The following NOL4 variants were observed in gnomAD, a reference collection of about 807,000 sequenced individuals.
NOL4 encodes the protein nucleolar protein 4.
Under a neutral mutation model 75.9 loss-of-function variants are expected in NOL4, and 17 were observed. The observed-to-expected ratio is 0.22, with a 90% CI of 0.15 to 0.34. NOL4 has a LOEUF of 0.34. NOL4 is among the 10% of genes least tolerant of loss of function. The probability of loss-of-function intolerance (pLI) is 1.00; values close to 1 mark genes in which losing one functional copy is unlikely to be tolerated. For synonymous variants in NOL4, 292 were observed against 289.9 expected, an observed-to-expected ratio of 1.01 and a Z score of -0.07; for missense variants, 614 against 793.5, an observed-to-expected ratio of 0.77 and a Z score of 2.72.
At chr18:33,896,328 C>G (rs2065406825) in intron 9 of NOL4, among the ~76,000 whole-genome samples, 1 of 151,702 alleles carries the variant, frequency 6.6e-6, no homozygotes, top group South Asian at 2.1e-4. Context: ...GAAACCAAGG[C>G]AGTCCTAAGA....
At chr18:34,016,042 A>C (rs2074672708) in intron 6 of NOL4, among the ~76,000 whole-genome samples, 1 of 152,090 alleles carries the variant, frequency 6.6e-6, no homozygotes, top group African/African-American at 2.4e-5. Context: ...TGTTCACATT[A>C]ATGGGATATA....
chr18:33,962,592 C>T (rs908862601), intron 6 of NOL4, among the ~76,000 whole-genome samples: 1 of 152,114 alleles, frequency 6.6e-6, no homozygotes, highest in African/African-American at 2.4e-5. Context: ...TAGAACAGAT[C>T]TCTGACATTA....
intron 9 of NOL4, among the ~76,000 whole-genome samples, chr18:33,932,825 C>G (rs1009228673): frequency 6.6e-6 from 1 of 152,006 alleles, no homozygotes; most frequent in Non-Finnish European, 1.5e-5. Context: ...TTTCTATACT[C>G]TTATAAAAAG....
Position 34,166,010 on chromosome 18 carries a change from T to C in NOL4, c.265-35990A>G, listed in dbSNP as rs2032290105. Among the ~76,000 whole-genome samples, 4 of 152,108 alleles carry C rather than the reference T, an allele frequency of 2.6e-5. 1 individual carries two copies. The highest frequency in any genetic ancestry group is 2.6e-4 in the Admixed American group (4 of 15,266). The stretch of plus-strand genomic sequence containing the variant: ...ATAGAATAAAAATTTACAAAATATG[T>C]CTTTCCAAAAGTTGGGAAATTTTCA... On this transcript the variant is annotated intron_variant, in intron 1 of 10. Coordinates refer to ENST00000261592, the MANE Select transcript of NOL4 (RefSeq NM_003787.5).
At chr18:34,164,742 T>G (rs1029575463) in intron 1 of NOL4, among the ~76,000 whole-genome samples, 8 of 151,954 alleles carry the variant, frequency 5.3e-5, no homozygotes, top group Admixed American at 1.3e-4. Flanking sequence ...CATTACTGGG[T>G]ATATACCCAA....
At position 34,129,951 on chromosome 18, in the gene NOL4, T is replaced by C; in HGVS notation, c.334A>G (p.Ile112Val). Reference sequence around the variant, plus strand: ...CCCGTTTCCACATGCATCGAATAAATAATGTCAAAGAAATCTTCAACCACA... The same window carrying C: ...CCCGTTTCCACATGCATCGAATAAACAATGTCAAAGAAATCTTCAACCACA... ...VAVVEDFFDIIYSMHVETGPN... is the reference protein window; with the variant it reads ...VAVVEDFFDIVYSMHVETGPN... Residue 112 changes from isoleucine to valine, a missense_variant, in exon 2 of 11, where the codon ATT becomes GTT. By Grantham distance (29) the Ile-to-Val change is conservative. Coordinates refer to ENST00000261592, the MANE Select transcript of NOL4 (RefSeq NM_003787.5). The C allele has an allele frequency of 6.2e-7, 1 of 1,601,098 alleles. No homozygotes were observed. Among genetic ancestry groups the C allele is most frequent in the Non-Finnish European group, 8.5e-7 (1 of 1,173,118 alleles).
chr18:33,908,013 C>T (rs1004898764), intron 9 of NOL4, among the ~76,000 whole-genome samples: 1 of 152,078 alleles, frequency 6.6e-6, no homozygotes, highest in African/African-American at 2.4e-5. Context: ...TATCAACTTT[C>T]CCAGAGTATA....
At chr18:34,105,232 G>T in intron 2 of NOL4, 72 bp from the exon 3 acceptor site, 1 of 1,017,266 alleles carries the variant, frequency 9.8e-7, no homozygotes, top group African/African-American at 1.6e-5. Flanking sequence ...AATGATCATT[G>T]TATTTCCAAA....
chr18:33,872,464 T>A (rs1475047712), intron 10 of NOL4, among the ~76,000 whole-genome samples: 1 of 152,022 alleles, frequency 6.6e-6, no homozygotes, highest in Non-Finnish European at 1.5e-5. Context: ...ACCCCATTTA[T>A]CTCATTGAGG....
At chr18:34,047,992 G>A (rs1332301959) in intron 5 of NOL4, among the ~76,000 whole-genome samples, 1 of 152,010 alleles carries the variant, frequency 6.6e-6, no homozygotes, top group Non-Finnish European at 1.5e-5. Context: ...ACTTCTAAAT[G>A]GATTTTTAAA....
intron 10 of NOL4, among the ~76,000 whole-genome samples, chr18:33,877,359 A>G (rs1479366957): frequency 6.7e-6 from 1 of 150,230 alleles, no homozygotes; most frequent in Admixed American, 6.7e-5. Context: ...GAGCACTTAT[A>G]GTCCCAGCTA....
intron 10 of NOL4, among the ~76,000 whole-genome samples, chr18:33,860,427 T>A (rs906300877): frequency 1.3e-5 from 2 of 152,168 alleles, no homozygotes; most frequent in Non-Finnish European, 2.9e-5. Flanking sequence ...GCAATGCCCT[T>A]CTGTCTAGGA....
chr18:33,852,438 T>C lies in NOL4; in HGVS notation c.*404A>G. 6.6e-6 allele frequency: 1 copy of C among 151,992 alleles called. No individual in the cohort carries two copies. Among genetic ancestry groups the C allele is most frequent in the Non-Finnish European group, 1.5e-5 (1 of 68,326 alleles). The allele number at this position is 151,992 out of a possible 1,614,324, so 9.4% of individuals were successfully genotyped here. ...AAGAAATTTGGCTTTTTTTTTTCTT[T>C]TTTTTTTTTTTGCCAGGTACTTCAG... On this transcript the variant is annotated 3_prime_UTR_variant, in exon 11 of 11. Transcript: ENST00000261592.
At chr18:34,002,389 G>C (rs902341787) in intron 6 of NOL4, among the ~76,000 whole-genome samples, 2 of 151,986 alleles carry the variant, frequency 1.3e-5, no homozygotes, top group Admixed American at 6.6e-5. Flanking sequence ...AGAATGCAAA[G>C]CTTCTTTCTT....
chr18:34,105,660 C>A (rs907618192), intron 2 of NOL4, among the ~76,000 whole-genome samples: 1 of 151,930 alleles, frequency 6.6e-6, no homozygotes, highest in Non-Finnish European at 1.5e-5. Flanking sequence ...TAAATTCAAA[C>A]AGAACTTATG....
At chr18:33,906,074 C>T (rs892420600) in intron 9 of NOL4, among the ~76,000 whole-genome samples, 2 of 152,198 alleles carry the variant, frequency 1.3e-5, no homozygotes. Context: ...CTTATTTCTG[C>T]ATGTAGGCCA....
At chr18:34,127,066 T>TA (rs980645897) in intron 2 of NOL4, among the ~76,000 whole-genome samples, 7 of 151,942 alleles carry the variant, frequency 4.6e-5, no homozygotes, top group Non-Finnish European at 2.9e-5. Context: ...TACATATTCC[T>TA]AAAATGTGTC....
intron 5 of NOL4, among the ~76,000 whole-genome samples, chr18:34,021,191 G>C (rs947042712): frequency 6.6e-6 from 1 of 152,180 alleles, no homozygotes; most frequent in African/African-American, 2.4e-5. Context: ...ATAATTAAGA[G>C]AGACAGAAAA....
At chr18:34,000,611 T>C (rs1171435674) in intron 6 of NOL4, among the ~76,000 whole-genome samples, 1 of 152,128 alleles carries the variant, frequency 6.6e-6, no homozygotes, top group Non-Finnish European at 1.5e-5. Flanking sequence ...TGTAATTGGA[T>C]CAAGATCTCA....
Sources: gnomAD v4.1 joint callset for allele counts (sites outside exome capture counted in the v4.1 genomes callset) on GRCh38, gnomAD v4.1.1 for gene constraint, MANE v1.5 for transcripts, NCBI Gene and HGNC (gene_info 2026-07-23, HGNC 2026-07-21) for gene names.